WDR82: variants seen among roughly 807,000 people sequenced by gnomAD.
WDR82 encodes the protein WD repeat-containing protein 82.
WDR82 carries 8 observed loss-of-function variants against 36.1 expected under a neutral mutation model. That is an observed-to-expected ratio of 0.22 (90% confidence interval 0.13 to 0.40). The LOEUF is 0.40. WDR82 is among the 10% of genes least tolerant of loss of function. The pLI is 1.00. For synonymous variants in WDR82, 129 were observed against 137.8 expected (o/e 0.94, Z 0.45); for missense variants, 185 against 400.5 (o/e 0.46, Z 4.59).
Position 52,278,293 on chromosome 3 carries a change from C to T in WDR82, c.69G>A (p.Lys23=), listed in dbSNP as rs1271659391. 6.2e-7 allele frequency: 1 copy of T among 1,610,062 alleles called. No homozygotes were observed. ...VAKVFRENSD[K]INCFDFSPNG... is the part of the protein sequence containing the mutation. ...TGGGGCTGAAATCGAAGCAGTTAAT[C>T]TTGTCCGAGTTTTCGCGGAACACCT... The change falls in exon 1 of 9, where the codon AAG becomes AAA. Residue 23 remains lysine, a synonymous_variant. Coordinates refer to ENST00000296490, the MANE Select transcript of WDR82 (RefSeq NM_025222.4).
chr3:52,269,698 C>T (rs1477021431), intron 2 of WDR82, among the ~76,000 whole-genome samples: 1 of 152,068 alleles, frequency 6.6e-6, no homozygotes, highest in Non-Finnish European at 1.5e-5. Flanking sequence ...CCACTGCACT[C>T]CAGCCTAGGC....
At chr3:52,266,804 A>G (rs184558944) in intron 3 of WDR82, 148 bp downstream of exon 3, 1 of 658,104 alleles carries the variant, frequency 1.5e-6, no homozygotes, top group East Asian at 3.0e-5. Flanking sequence ...CAGTAAATCA[A>G]GAGTTGACTA....
At chr3:52,267,072 C>T in intron 2 of WDR82, 54 bp from the exon 3 acceptor site, 1 of 1,421,840 alleles carries the variant, frequency 7.0e-7, no homozygotes, top group Non-Finnish European at 9.8e-7. Context: ...AAGAAATTTA[C>T]TTTACATTTT....
intron 1 of WDR82, among the ~76,000 whole-genome samples, chr3:52,272,807 G>C (rs910974454): frequency 5.3e-5 from 8 of 152,172 alleles, no homozygotes. Context: ...GACTCAAGCA[G>C]TCTTTAAGAA....
Position 52,255,530 on chromosome 3 carries a change from C to T in WDR82, c.*1960G>A, listed in dbSNP as rs1447969601. On this transcript the variant is annotated 3_prime_UTR_variant, in exon 9 of 9. Coordinates refer to ENST00000296490, the MANE Select transcript of WDR82 (RefSeq NM_025222.4). The stretch of plus-strand genomic sequence containing the variant: ...GAAAGCAGAACTATACAGTGGGTGG[C>T]ATCCTGCAGATTCTAGTCTACATTT... 1 of 152,018 alleles carries T rather than the reference C, an allele frequency of 6.6e-6. No homozygotes were observed. Among genetic ancestry groups the T allele is most frequent in the East Asian group, 1.9e-4 (1 of 5,180 alleles). The allele number at this position is 152,018 out of a possible 1,614,324, so 9.4% of individuals were successfully genotyped here. A position where few individuals can be genotyped will look rare whatever the true frequency, so the allele number is the denominator to read the frequency against.
rs1700018016 is a variant in WDR82, at chr3:52,257,276, A to G, written c.*214T>C. 10 of 625,206 alleles carry G rather than the reference A, an allele frequency of 1.6e-5. No homozygotes were observed. The highest frequency in any genetic ancestry group is 2.2e-5 in the Non-Finnish European group (8 of 362,528). The allele number at this position is 625,206 out of a possible 1,614,324, so 38.7% of individuals were successfully genotyped here. A position where few individuals can be genotyped will look rare whatever the true frequency, so the allele number is the denominator to read the frequency against. On this transcript the variant is annotated 3_prime_UTR_variant, in exon 9 of 9. Transcript: ENST00000296490. The stretch of plus-strand genomic sequence containing the variant: ...GTGACAGTTAGAAAAGCTGAGTTCC[A>G]ATTGAGTCTGTTGCACCAAGAGTCC...
At chr3:52,274,829 C>G (rs6445358) in intron 1 of WDR82, among the ~76,000 whole-genome samples, 79,350 of 151,586 alleles carry the variant, frequency 0.52, 21,224 homozygotes, top group African/African-American at 0.63. Context: ...TTGAATCCAG[C>G]AGCGAGGTTG....
Position 52,257,112 on chromosome 3 carries a change from A to C in WDR82, c.*378T>G, listed in dbSNP as rs1700016196. On this transcript the variant is annotated 3_prime_UTR_variant, in exon 9 of 9. Transcript: ENST00000296490. ...AAACCAGGACTTTGGCTTCCCATGC[A>C]GTTGGAGGGTAGAAGGGATGTGCGG... is the stretch of plus-strand genomic sequence containing the variant. The C allele has an allele frequency of 9.3e-6, 2 of 214,704 alleles. No individual in the cohort carries two copies. Among genetic ancestry groups the C allele is most frequent in the South Asian group, 1.9e-4 (2 of 10,704 alleles). The allele number at this position is 214,704 out of a possible 1,614,324, so 13.3% of individuals were successfully genotyped here. A position where few individuals can be genotyped will look rare whatever the true frequency, so the allele number is the denominator to read the frequency against.
In WDR82 at chr3:52,258,518, C is replaced by T; in HGVS notation, c.912+18G>A. On this transcript the variant is annotated intron_variant, in intron 8 of 8. Coordinates refer to ENST00000296490, the MANE Select transcript of WDR82 (RefSeq NM_025222.4). ...GGAAGGGTCCCTGAGTAGCAGATACCTCTTACTGTTCACATACCATGTTGG... is the reference window on the plus strand; with the variant it reads ...GGAAGGGTCCCTGAGTAGCAGATACTTCTTACTGTTCACATACCATGTTGG... The T allele has an allele frequency of 6.2e-7, 1 of 1,612,804 alleles. No homozygotes were observed. Among genetic ancestry groups the T allele is most frequent in the Non-Finnish European group, 8.5e-7 (1 of 1,179,850 alleles).
At position 52,270,096 on chromosome 3, in the gene WDR82, A is replaced by G. The variant is rs543786013; in HGVS notation, c.259+616T>C. Among the ~76,000 whole-genome samples, 3 of 152,288 alleles carry G rather than the reference A, an allele frequency of 2.0e-5. No homozygotes were observed. In the South Asian group the frequency reaches 6.2e-4, roughly 32 times the overall value. On this transcript the variant is annotated intron_variant, in intron 2 of 8. Coordinates refer to ENST00000296490, the MANE Select transcript of WDR82 (RefSeq NM_025222.4). ...TGTTGTTTATCACTTGCTGTGTATC[A>G]AGTGTTCTTTCCTTTTATTTGTTCT...
At chr3:52,277,141 G>A (rs1346255631) in intron 1 of WDR82, among the ~76,000 whole-genome samples, 1 of 151,210 alleles carries the variant, frequency 6.6e-6, no homozygotes, top group Non-Finnish European at 1.5e-5. Flanking sequence ...GAAAAAACCA[G>A]GGTCCACCGA....
intron 8 of WDR82, among the ~76,000 whole-genome samples, chr3:52,258,077 A>G (rs1419626396): frequency 6.6e-6 from 1 of 152,170 alleles, no homozygotes; most frequent in Non-Finnish European, 1.5e-5. Flanking sequence ...TTCTGTTAGT[A>G]TTATCTAGGA....
chr3:52,264,019 C>T (rs940318496), intron 3 of WDR82, among the ~76,000 whole-genome samples: 6 of 151,944 alleles, frequency 3.9e-5, no homozygotes, highest in Non-Finnish European at 5.9e-5. Flanking sequence ...AAAAATTAGC[C>T]GGGCATGATG....
rs1700018662 is a variant in WDR82, at chr3:52,257,330, T to C, written c.*160A>G. On this transcript the variant is annotated 3_prime_UTR_variant, in exon 9 of 9. Coordinates refer to ENST00000296490, the MANE Select transcript of WDR82 (RefSeq NM_025222.4). The stretch of plus-strand genomic sequence containing the variant: ...TGAAGACGCTCATCAAAGTAATTAT[T>C]TTCTTTTGAGCAGATGTACAGCACA... 5 of 933,722 alleles carry C rather than the reference T, an allele frequency of 5.4e-6. No individual in the cohort carries two copies. Among genetic ancestry groups the C allele is most frequent in the Non-Finnish European group, 6.5e-6 (4 of 616,600 alleles). The allele number at this position is 933,722 out of a possible 1,614,324, so 57.8% of individuals were successfully genotyped here. A position where few individuals can be genotyped will look rare whatever the true frequency, so the allele number is the denominator to read the frequency against.
chr3:52,276,251 T>C (rs2107344713), intron 1 of WDR82, among the ~76,000 whole-genome samples: 1 of 152,174 alleles, frequency 6.6e-6, no homozygotes, highest in South Asian at 2.1e-4. Flanking sequence ...CTGGTCAACA[T>C]GGTGAAACCC....
Position 52,270,797 on chromosome 3 carries a change from G to T in WDR82, c.174C>A (p.Thr58=). 6.2e-7 allele frequency: 1 copy of T among 1,601,524 alleles called. No individual in the cohort carries two copies. The highest frequency in any genetic ancestry group is 1.1e-5 in the South Asian group (1 of 88,160). ...YDCQEGKPKR[T]LYSKKYGVDL... is the part of the protein sequence containing the mutation. Reference sequence around the variant, plus strand: ...CCACACCATATTTCTTACTGTACAGGGTTCTCTTTGGTCTGATAAGAAAAT... The same window carrying T: ...CCACACCATATTTCTTACTGTACAGTGTTCTCTTTGGTCTGATAAGAAAAT... The change falls in exon 2 of 9, where the codon ACC becomes ACA. Residue 58 remains threonine (T), a synonymous_variant. Coordinates refer to ENST00000296490, the MANE Select transcript of WDR82 (RefSeq NM_025222.4).
chr3:52,278,612 T>C lies in WDR82; in HGVS notation c.-251A>G. The C allele has an allele frequency of 7.5e-6, 3 of 399,598 alleles. No homozygotes were observed. Among genetic ancestry groups the C allele is most frequent in the Non-Finnish European group, 1.3e-5 (3 of 227,512 alleles). The allele number at this position is 399,598 out of a possible 1,614,324, so 24.8% of individuals were successfully genotyped here. On this transcript the variant is annotated 5_prime_UTR_variant, in exon 1 of 9. An upstream start codon of the reference 5' UTR is lost. Coordinates refer to ENST00000296490, the MANE Select transcript of WDR82 (RefSeq NM_025222.4). ...GGACAACCGGCGCGTCGCCGGCTCA[T>C]TGTGTCCGCCATTTTGGGGCGACAG... is the stretch of plus-strand genomic sequence containing the variant.
chr3:52,278,021 T>C, intron 1 of WDR82, 180 bp downstream of exon 1: 2 of 473,438 alleles, frequency 4.2e-6, no homozygotes, highest in Non-Finnish European at 7.0e-6. Flanking sequence ...TATCTTTTTT[T>C]TTTAAGAAGA....
intron 1 of WDR82, among the ~76,000 whole-genome samples, chr3:52,276,078 T>C (rs1365756357): frequency 6.6e-6 from 1 of 152,236 alleles, no homozygotes; most frequent in Admixed American, 6.5e-5. Flanking sequence ...TTTCTAATTA[T>C]GTAAAAATGC....
Sources: allele counts gnomAD v4.1 joint callset (sites outside exome capture counted in the v4.1 genomes callset), GRCh38; gene constraint gnomAD v4.1.1; transcripts MANE v1.5; gene names NCBI Gene and HGNC (gene_info 2026-07-23, HGNC 2026-07-21).